Variants in STON1 observed in about 807,000 individuals in gnomAD.
STON1 encodes stonin 1, also known as stonin-1.
A neutral mutation model predicts 60.9 loss-of-function variants in STON1; 79 were observed. The observed-to-expected ratio is 1.30, with a 90% confidence interval of 1.08 to 1.56. The LOEUF (loss-of-function observed/expected upper bound fraction) is 1.56. Ranked by LOEUF, STON1 falls within the 40% of genes most tolerant of loss-of-function variation. The probability of loss-of-function intolerance (pLI) is 0.00; values close to 1 mark genes in which losing one functional copy is unlikely to be tolerated. For missense variants in STON1, 1,166 were observed against 858.9 expected, an observed-to-expected ratio of 1.36 and a Z score of -4.47; for synonymous variants, 363 against 306.9, an observed-to-expected ratio of 1.18 and a Z score of -1.91.
chr2:48,552,615 A>G (rs1321456386), intron 1 of STON1, among the ~76,000 whole-genome samples: 1 of 151,836 alleles, frequency 6.6e-6, no homozygotes, highest in Non-Finnish European at 1.5e-5. Flanking sequence ...ATACAAAAAA[A>G]AAAATTTAGC....
At chr2:48,549,808 CTCA>C (rs1264168253) in intron 1 of STON1, among the ~76,000 whole-genome samples, 7 of 72,946 alleles carry the variant, frequency 9.6e-5, no homozygotes, top group Admixed American at 1.7e-4. Flanking sequence ...GTGACTCCAT[CTCA>C]AAAAAAAAAA....
chr2:48,591,916 CTT>C, intron 3 of STON1, 61 bp downstream of exon 3: 1 of 1,566,012 alleles, frequency 6.4e-7, no homozygotes, highest in Admixed American at 1.8e-5. Flanking sequence ...GTTTTGCTGT[CTT>C]TTGTGATCGT....
chr2:48,581,018 A>C lies in STON1; in HGVS notation c.385A>C (p.Thr129Pro). The C allele has an allele frequency of 6.4e-7, 1 of 1,569,798 alleles. No homozygotes were observed. Among genetic ancestry groups the C allele is most frequent in the Non-Finnish European group, 8.6e-7 (1 of 1,161,996 alleles). The change falls in exon 2 of 4, where the codon ACA becomes CCA. Residue 129 changes from threonine to proline, a missense_variant. Coordinates refer to ENST00000404752, the MANE Select transcript of STON1 (RefSeq NM_006873.4). ...ATCTTCCTTACTGCCTACCAGACCA[A>C]CATGTTTATCCCATGCCTTGTTACC... Reference protein sequence around the residue: ...GESSLLPTRPTCLSHALLPSD... With the variant: ...GESSLLPTRPPCLSHALLPSD...
intron 1 of STON1, among the ~76,000 whole-genome samples, chr2:48,550,841 C>T (rs1209373285): frequency 6.6e-6 from 1 of 151,736 alleles, no homozygotes; most frequent in Non-Finnish European, 1.5e-5. Flanking sequence ...TTGCTCAAGG[C>T]ATTACTTTAT....
chr2:48,590,050 G>T (rs897133559), intron 2 of STON1, among the ~76,000 whole-genome samples: 1 of 152,160 alleles, frequency 6.6e-6, no homozygotes, highest in Middle Eastern at 3.2e-3. Context: ...TAACCACTTT[G>T]CCATAACAAG....
intron 1 of STON1, among the ~76,000 whole-genome samples, chr2:48,560,442 C>T (rs912255216): frequency 3.3e-5 from 5 of 152,182 alleles, no homozygotes; most frequent in Non-Finnish European, 7.4e-5. Context: ...TCTTTGAGTG[C>T]CCTGCTCTTT....
intron 1 of STON1, among the ~76,000 whole-genome samples, chr2:48,555,387 T>A (rs1164070691): frequency 4.9e-5 from 2 of 41,050 alleles, no homozygotes; most frequent in African/African-American, 9.1e-5. Context: ...CACTTCCCAG[T>A]AGGGGCGGCC....
chr2:48,583,754 CTTTTT>C (rs905822150), intron 2 of STON1, among the ~76,000 whole-genome samples: 1 of 133,696 alleles, frequency 7.5e-6, no homozygotes, highest in African/African-American at 2.8e-5. Context: ...TCTTTTTTTT[CTTTTT>C]TTTTTTTTTT....
Position 48,564,480 on chromosome 2 carries a change from T to TTTC in STON1, c.-47-16021_-47-16019dup, listed in dbSNP as rs869188236. ...CTTCTTCTTCTTCTTCTTCTTCTTC[T>TTTC]TTCTTCTTCTTCTTCTTCTTCTTCT... On this transcript the variant is annotated intron_variant, in intron 1 of 3. Transcript: ENST00000404752. 1.2e-3 allele frequency among the ~76,000 whole-genome samples: 40 copies of TTTC among 32,470 alleles called. 1 individual carries two copies. Among genetic ancestry groups the TTTC allele is most frequent in the Non-Finnish European group, 1.7e-3 (27 of 15,486 alleles). 21.3% of individuals were successfully genotyped at this position (32,470 alleles called of 152,430 possible).
At position 48,580,755 on chromosome 2, in the gene STON1, A is replaced by T. The variant is rs771106872; in HGVS notation, c.122A>T (p.Lys41Met). The T allele has an allele frequency of 6.4e-7, 1 of 1,557,076 alleles. No individual in the cohort carries two copies. The highest frequency in any genetic ancestry group is 8.7e-7 in the Non-Finnish European group (1 of 1,152,482). The change falls in exon 2 of 4, where the codon AAG becomes ATG. Residue 41 changes from lysine to methionine, a missense_variant. By Grantham distance (95) the Lys-to-Met change is moderately conservative. Coordinates refer to ENST00000404752, the MANE Select transcript of STON1 (RefSeq NM_006873.4). The part of the protein sequence containing the change: ...NQGVCRPNGL[K>M]LNLPGLREFP... The stretch of plus-strand genomic sequence containing the variant: ...GGTGTCTGTAGACCAAATGGACTGA[A>T]GCTGAACCTTCCTGGCCTCAGGGAA...
In STON1 at chr2:48,557,699, G is replaced by A. The variant is rs1672439621; in HGVS notation, c.-47-22888G>A. ...TGCAATCCCGGCACCTCGGGAGGCCGAGGTTGGCGGATCACTCGCGGTTAG... is the reference window on the plus strand; with the variant it reads ...TGCAATCCCGGCACCTCGGGAGGCCAAGGTTGGCGGATCACTCGCGGTTAG... On this transcript the variant is annotated intron_variant, in intron 1 of 3. Coordinates refer to ENST00000404752, the MANE Select transcript of STON1 (RefSeq NM_006873.4). Among the ~76,000 whole-genome samples the A allele has an allele frequency of 1.3e-5, 2 of 150,924 alleles. 1 individual carries two copies. Among genetic ancestry groups the A allele is most frequent in the African/African-American group, 4.9e-5 (2 of 41,026 alleles).
intron 2 of STON1, among the ~76,000 whole-genome samples, chr2:48,585,464 G>C (rs1488085708): frequency 6.6e-6 from 1 of 152,056 alleles, no homozygotes; most frequent in Non-Finnish European, 1.5e-5. Context: ...GGCCAGGCTG[G>C]TCTCGAACTC....
chr2:48,548,926 G>A (rs574437262), intron 1 of STON1, among the ~76,000 whole-genome samples: 3 of 152,150 alleles, frequency 2.0e-5, no homozygotes, highest in Admixed American at 1.3e-4. Context: ...ATAGGAATGT[G>A]GGCGGCTTCT....
In STON1 at chr2:48,598,489, A is replaced by G. The variant is rs1266349853; in HGVS notation, c.*3187A>G. On this transcript the variant is annotated 3_prime_UTR_variant, in exon 4 of 4. Coordinates refer to ENST00000404752, the MANE Select transcript of STON1 (RefSeq NM_006873.4). The stretch of plus-strand genomic sequence containing the variant: ...TTGTAGATTACATATTGATTTTTCA[A>G]AAATTAAAAATGTATTTCAAACTAT... 6.6e-6 allele frequency: 1 copy of G among 152,658 alleles called. No individual in the cohort carries two copies. The highest frequency in any genetic ancestry group is 2.4e-5 in the African/African-American group (1 of 41,454). 9.5% of individuals were successfully genotyped at this position (152,658 alleles called of 1,614,324 possible). A position where few individuals can be genotyped will look rare whatever the true frequency, so the allele number is the denominator to read the frequency against.
intron 2 of STON1, among the ~76,000 whole-genome samples, chr2:48,586,762 G>C (rs1044037352): frequency 2.6e-5 from 4 of 152,178 alleles, no homozygotes; most frequent in Non-Finnish European, 4.4e-5. Context: ...TTTCAGAAAG[G>C]CTGGCATGCA....
intron 1 of STON1, among the ~76,000 whole-genome samples, chr2:48,544,541 T>TTTTTG (rs563633413): frequency 3.1e-3 from 470 of 152,132 alleles, no homozygotes; most frequent in South Asian, 0.012. Flanking sequence ...TTGTTTTCGT[T>TTTTTG]TTTTGTTTTG....
chr2:48,564,212 C>G (rs1672728856), intron 1 of STON1, among the ~76,000 whole-genome samples: 1 of 152,140 alleles, frequency 6.6e-6, no homozygotes, highest in Non-Finnish European at 1.5e-5. Flanking sequence ...GTTTGAGCTA[C>G]TATCACAAAA....
chr2:48,532,770 G>T (rs891302475), intron 1 of STON1, among the ~76,000 whole-genome samples: 1 of 152,096 alleles, frequency 6.6e-6, no homozygotes, highest in Non-Finnish European at 1.5e-5. Flanking sequence ...CAGGTGGTCT[G>T]GATGGTGAGA....
In STON1 at chr2:48,597,908, A is replaced by T. The variant is rs759577105; in HGVS notation, c.*2606A>T. The T allele has an allele frequency of 1.1e-4, 16 of 152,176 alleles. No homozygotes were observed. In the South Asian group the frequency reaches 2.1e-3, roughly 20 times the overall value. The allele number at this position is 152,176 out of a possible 1,614,324, so 9.4% of individuals were successfully genotyped here. A position where few individuals can be genotyped will look rare whatever the true frequency, so the allele number is the denominator to read the frequency against. The stretch of plus-strand genomic sequence containing the variant: ...TAGAACTGCCCTTGCCGGAATAGTG[A>T]TCTTCAAAAAACCCTTGCTTTTAGG... On this transcript the variant is annotated 3_prime_UTR_variant, in exon 4 of 4. Coordinates refer to ENST00000404752, the MANE Select transcript of STON1 (RefSeq NM_006873.4).
Sources: gnomAD v4.1 joint callset for allele counts (sites outside exome capture counted in the v4.1 genomes callset) on GRCh38, gnomAD v4.1.1 for gene constraint, MANE v1.5 for transcripts, NCBI Gene and HGNC (gene_info 2026-07-23, HGNC 2026-07-21) for gene names.